Variants in ADPRHL1 observed in about 807,000 individuals in gnomAD.
The protein encoded by ADPRHL1 is inactive ADP-ribosyltransferase ARH2.
In ADPRHL1, 43 loss-of-function variants were observed where a neutral mutation model predicts 44.1. The ratio of observed to expected loss-of-function variants is 0.98; its 90% confidence interval spans 0.76 to 1.26. The LOEUF (loss-of-function observed/expected upper bound fraction) is 1.26. ADPRHL1 is among the 50% of genes most tolerant of loss of function. ADPRHL1 has a pLI of 0.00. For synonymous variants in ADPRHL1, 878 were observed against 1,017.4 expected (o/e 0.86, Z 2.61); for missense variants, 2,022 against 2,496.9 (o/e 0.81, Z 4.05).
chr13:113,409,519 G>A lies in ADPRHL1; in HGVS notation c.1062-1299C>T, dbSNP rs2043835584. 1 of 985,428 alleles carries A rather than the reference G, an allele frequency of 1.0e-6. No individual in the cohort carries two copies. Among genetic ancestry groups the A allele is most frequent in the Non-Finnish European group, 1.2e-6 (1 of 829,934 alleles). 61.0% of individuals were successfully genotyped at this position (985,428 alleles called of 1,614,324 possible). A position where few individuals can be genotyped will look rare whatever the true frequency, so the allele number is the denominator to read the frequency against. On this transcript the variant is annotated intron_variant, in intron 7 of 7. Transcript: ENST00000612156. This position sits in a 1 kb window ranked among gnomAD's most constrained non-coding sequence, Gnocchi z 4.2. ...CACAATGGCACGTCCACATTTGTGG[G>A]AGAAGAGTCGGTGGCCGGATGCGGC...
At chr13:113,435,960 T>A (rs1232450189) in intron 2 of ADPRHL1, among the ~76,000 whole-genome samples, 2 of 63,806 alleles carry the variant, frequency 3.1e-5, no homozygotes, top group East Asian at 1.5e-3. Context: ...GCAGGGTGAA[T>A]ACAGGTGTAC....
intron 3 of ADPRHL1, among the ~76,000 whole-genome samples, chr13:113,431,964 G>A (rs912637277): frequency 6.6e-6 from 1 of 152,196 alleles, no homozygotes; most frequent in Non-Finnish European, 1.5e-5. Flanking sequence ...TGATCCGCCT[G>A]CCTTGGCACC....
intron 2 of ADPRHL1, among the ~76,000 whole-genome samples, chr13:113,439,122 T>A (rs2044080478): frequency 6.6e-6 from 1 of 152,162 alleles, no homozygotes; most frequent in Non-Finnish European, 1.5e-5. Context: ...TTTCCTTTTT[T>A]TTTTCTTTTT....
chr13:113,426,891 G>A (rs2043972291), intron 4 of ADPRHL1, among the ~76,000 whole-genome samples: 1 of 152,234 alleles, frequency 6.6e-6, no homozygotes. Flanking sequence ...TCACTGCAGA[G>A]GGCCGTGTCA....
intron 1 of ADPRHL1, among the ~76,000 whole-genome samples, chr13:113,445,361 C>G (rs1316972058): frequency 6.6e-6 from 1 of 152,258 alleles, no homozygotes; most frequent in Non-Finnish European, 1.5e-5. Context: ...ATTAAGTAAC[C>G]CGCAGTGTGT....
At position 113,405,780 on chromosome 13, in the gene ADPRHL1, C is replaced by A; in HGVS notation, c.3502G>T (p.Asp1168Tyr). 8.1e-7 allele frequency: 1 copy of A among 1,231,804 alleles called. No homozygotes were observed. Among genetic ancestry groups the A allele is most frequent in the South Asian group, 4.1e-5 (1 of 24,326 alleles). The allele number at this position is 1,231,804 out of a possible 1,614,324, so 76.3% of individuals were successfully genotyped here. ...SHPRGEALPR[D>Y]PHSHGLLAPG... ...GCCAGGAGGCCGTGGCTGTGAGGGTCTCGAGGGAGAGCCTCTCCTCTGGGG... is the reference window on the plus strand; with the variant it reads ...GCCAGGAGGCCGTGGCTGTGAGGGTATCGAGGGAGAGCCTCTCCTCTGGGG... The change falls in exon 8 of 8, where the codon GAC becomes TAC. Residue 1168 changes from aspartate (D) to tyrosine (Y), a missense_variant. Asp to Tyr is a radical substitution (Grantham distance 160). Around this residue, in one of 8 missense-constraint regions of ADPRHL1, gnomAD observed 1,221 missense variants for 1,517.8 expected, o/e 0.80. Transcript: ENST00000612156.
rs1181224191 is a variant in ADPRHL1 at position 113,409,360 on chromosome 13, A to T, written c.1062-1140T>A. The stretch of plus-strand genomic sequence containing the variant: ...CAGAATCTTAGCTGTCACACCTGTT[A>T]GTCATTCATTCTAAGGAGATCATCA... On this transcript the variant is annotated intron_variant, in intron 7 of 7. Coordinates refer to ENST00000612156, the MANE Select transcript of ADPRHL1 (RefSeq NM_001394807.1). The surrounding 1 kb of genome is among the most constrained non-coding windows in gnomAD (Gnocchi z 4.2). 1.0e-6 allele frequency: 1 copy of T among 985,246 alleles called. No individual in the cohort carries two copies. Among genetic ancestry groups the T allele is most frequent in the Non-Finnish European group, 1.2e-6 (1 of 829,902 alleles). The allele number at this position is 985,246 out of a possible 1,614,324, so 61.0% of individuals were successfully genotyped here. A position where few individuals can be genotyped will look rare whatever the true frequency, so the allele number is the denominator to read the frequency against.
Position 113,409,538 on chromosome 13 carries a change from ATGC to A in ADPRHL1, c.1062-1321_1062-1319del. ...TTGTGGGAGAAGAGTCGGTGGCCGGATGCGGCTGGTGACGTGGTGCCAAGTGAA... is the reference window on the plus strand; with the variant it reads ...TTGTGGGAGAAGAGTCGGTGGCCGGAGGCTGGTGACGTGGTGCCAAGTGAA... On this transcript the variant is annotated intron_variant, in intron 7 of 7. Transcript: ENST00000612156. This position sits in a 1 kb window ranked among gnomAD's most constrained non-coding sequence, Gnocchi z 4.2. 1.0e-6 allele frequency: 1 copy of A among 985,370 alleles called. No homozygotes were observed. The highest frequency in any genetic ancestry group is 1.2e-6 in the Non-Finnish European group (1 of 829,914). 61.0% of individuals were successfully genotyped at this position (985,370 alleles called of 1,614,324 possible). A position where few individuals can be genotyped will look rare whatever the true frequency, so the allele number is the denominator to read the frequency against.
In ADPRHL1 at chr13:113,403,203, C is replaced by T. The variant is rs1735944185; in HGVS notation, c.*175G>A. On this transcript the variant is annotated 3_prime_UTR_variant, in exon 8 of 8. Coordinates refer to ENST00000612156, the MANE Select transcript of ADPRHL1 (RefSeq NM_001394807.1). The stretch of plus-strand genomic sequence containing the variant: ...CTCTGTGGGGTGACAGGAACCCGAC[C>T]CACATGTAGCTCAATCCTCCCAAGG... 1 of 539,670 alleles carries T rather than the reference C, an allele frequency of 1.9e-6. No individual in the cohort carries two copies. Among genetic ancestry groups the T allele is most frequent in the Admixed American group, 4.4e-5 (1 of 22,618 alleles). 33.4% of individuals were successfully genotyped at this position (539,670 alleles called of 1,614,324 possible). A position where few individuals can be genotyped will look rare whatever the true frequency, so the allele number is the denominator to read the frequency against.
chr13:113,424,470 T>C, intron 5 of ADPRHL1, 121 bp from the exon 6 acceptor site: 1 of 1,374,052 alleles, frequency 7.3e-7, no homozygotes, highest in Non-Finnish European at 9.9e-7. Flanking sequence ...ACCCTTTTCT[T>C]TTTGAGATGA....
intron 4 of ADPRHL1, 149 bp downstream of exon 4, chr13:113,428,803 C>A (rs144327446): frequency 1.7e-5 from 21 of 1,268,098 alleles, no homozygotes; most frequent in South Asian, 2.9e-5. Context: ...GCCTGCCTTG[C>A]GAGGCCAGCT....
intron 7 of ADPRHL1, among the ~76,000 whole-genome samples, chr13:113,413,482 C>T (rs1000234293): frequency 1.3e-5 from 2 of 152,172 alleles, no homozygotes; most frequent in African/African-American, 4.8e-5. Flanking sequence ...AGAGGGGGGC[C>T]CAGGACTTTC....
chr13:113,408,542 A>G (rs1230857330), intron 7 of ADPRHL1, among the ~76,000 whole-genome samples: 1 of 152,258 alleles, frequency 6.6e-6, no homozygotes, highest in Admixed American at 6.5e-5. Context: ...TTGCATATGC[A>G]ACATATTAAA....
chr13:113,428,540 G>A (rs1431252204), intron 4 of ADPRHL1, among the ~76,000 whole-genome samples: 1 of 152,228 alleles, frequency 6.6e-6, no homozygotes, highest in East Asian at 1.9e-4. Context: ...GCCTCATGGG[G>A]CTCCTGAGGG....
At position 113,444,208 on chromosome 13, in the gene ADPRHL1, G is replaced by A. The variant is rs190337242; in HGVS notation, c.379+217C>T. 7.3e-3 allele frequency among the ~76,000 whole-genome samples: 1,100 copies of A among 151,646 alleles called. 6 individuals are homozygous for A. Among genetic ancestry groups the A allele is most frequent in the Non-Finnish European group, 0.011 (719 of 67,888 alleles). On this transcript the variant is annotated intron_variant, in intron 2 of 7. Transcript: ENST00000612156. ...CCTTAAACAGATGCCCGCGCTTGCC[G>A]GGCTGACCAGGAGGGGCCCCTGCCC...
At chr13:113,446,853 G>C (rs2044142361) in intron 1 of ADPRHL1, among the ~76,000 whole-genome samples, 1 of 151,906 alleles carries the variant, frequency 6.6e-6, no homozygotes, top group African/African-American at 2.4e-5. Flanking sequence ...TGTGTGCATG[G>C]TGTCTACATG....
chr13:113,428,896 G>C, intron 4 of ADPRHL1, 56 bp downstream of exon 4: 2 of 1,604,678 alleles, frequency 1.2e-6, no homozygotes, highest in Middle Eastern at 1.7e-4. Context: ...CCATGGAGGG[G>C]CTGGATCTGT....
At chr13:113,432,796 G>C (rs2044016221) in intron 3 of ADPRHL1, among the ~76,000 whole-genome samples, 1 of 152,248 alleles carries the variant, frequency 6.6e-6, no homozygotes, top group Admixed American at 6.5e-5. Flanking sequence ...AGGTAATCTT[G>C]AACGAGGCTA....
At chr13:113,449,727 CT>C (rs2044166981) in intron 1 of ADPRHL1, among the ~76,000 whole-genome samples, 1 of 152,226 alleles carries the variant, frequency 6.6e-6, no homozygotes, top group African/African-American at 2.4e-5. Flanking sequence ...GTGCAGCTTA[CT>C]TAAAGCTGCC....
Sources: allele counts gnomAD v4.1 joint callset (sites outside exome capture counted in the v4.1 genomes callset), GRCh38; gene constraint gnomAD v4.1.1; regional missense constraint gnomAD v4.1.1; non-coding constraint Gnocchi (gnomAD v3.1); transcripts MANE v1.5; gene names NCBI Gene and HGNC (gene_info 2026-07-23, HGNC 2026-07-21).